HCK: variants seen among roughly 807,000 people sequenced by gnomAD.
The protein encoded by HCK is tyrosine-protein kinase HCK.
A neutral mutation model predicts 70.4 loss-of-function variants in HCK; 40 were observed. The ratio of observed to expected loss-of-function variants is 0.57; its 90% CI spans 0.44 to 0.74. The LOEUF (loss-of-function observed/expected upper bound fraction) is 0.74. Ranked by LOEUF, HCK falls within the 30% of genes least tolerant of loss-of-function variation. The pLI, the probability that HCK is intolerant of heterozygous loss-of-function variation, is 0.00. For missense variants in HCK, 568 were observed against 697.2 expected, an observed-to-expected ratio of 0.81 and a Z score of 2.09; for synonymous variants, 245 against 263.2, an observed-to-expected ratio of 0.93 and a Z score of 0.67.
At position 32,101,517 on chromosome 20, in the gene HCK, T is replaced by G; in HGVS notation, c.1579T>G (p.Ter527GlyextTer1). 1 of 1,612,054 alleles carries G rather than the reference T, an allele frequency of 6.2e-7. No homozygotes were observed. The highest frequency in any genetic ancestry group is 8.5e-7 in the Non-Finnish European group (1 of 1,179,034). The change falls in exon 13 of 13, where the codon TGA becomes GGA. Residue 527 changes from the stop codon to glycine (G), a stop_lost. Coordinates refer to ENST00000375852, the MANE Select transcript of HCK (RefSeq NM_002110.5). Reference sequence around the variant, plus strand: ...AGAGAGCCAGTACCAACAGCAGCCATGATAGGGAGGACCAGGGCAGGGCCA... The same window carrying G: ...AGAGAGCCAGTACCAACAGCAGCCAGGATAGGGAGGACCAGGGCAGGGCCA...
chr20:32,083,832 C>T (rs886229508), intron 6 of HCK, 62 bp from the exon 7 acceptor site: 44 of 1,585,338 alleles, frequency 2.8e-5, no homozygotes, highest in Middle Eastern at 1.9e-4. Flanking sequence ...TGTCAGAGTG[C>T]TAATGCAAGG....
At chr20:32,081,340 G>T (rs571356359) in intron 6 of HCK, among the ~76,000 whole-genome samples, 2 of 152,294 alleles carry the variant, frequency 1.3e-5, no homozygotes, top group African/African-American at 2.4e-5. Context: ...GCAAGAACAG[G>T]CCTGGAAAAC....
chr20:32,100,053 C>T (rs1247530574), intron 12 of HCK, among the ~76,000 whole-genome samples: 1 of 152,076 alleles, frequency 6.6e-6, no homozygotes, highest in African/African-American at 2.4e-5. Flanking sequence ...GCACATGCCA[C>T]CATGTCTGGC....
intron 1 of HCK, among the ~76,000 whole-genome samples, chr20:32,071,008 A>G (rs2045529794): frequency 6.6e-6 from 1 of 151,460 alleles, no homozygotes; most frequent in African/African-American, 2.4e-5. Flanking sequence ...GGAAGGAGTT[A>G]TAAGCAATTT....
chr20:32,094,785 A>AAGAAAGAG (rs1569010239), intron 11 of HCK, among the ~76,000 whole-genome samples: 1 of 74,738 alleles, frequency 1.3e-5, no homozygotes, highest in East Asian at 3.1e-4. Context: ...AAGAGAGAGA[A>AAGAAAGAG]AGAGAAAGAA....
chr20:32,059,955 TA>T (rs1023750335), intron 1 of HCK, among the ~76,000 whole-genome samples: 3 of 152,112 alleles, frequency 2.0e-5, no homozygotes, highest in Non-Finnish European at 2.9e-5. Context: ...AAAAAAAATG[TA>T]AAAGGATCAG....
chr20:32,073,368 A>G lies in HCK; in HGVS notation c.226+7A>G, dbSNP rs769441202. ...ACACCAGGAATCAGGGAGGGTAAGTATCTACGAGCAGATGCAGTGGAGTCA... is the reference window on the plus strand; with the variant it reads ...ACACCAGGAATCAGGGAGGGTAAGTGTCTACGAGCAGATGCAGTGGAGTCA... On this transcript the variant is annotated splice_region_variant and intron_variant, in intron 3 of 12. Coordinates refer to ENST00000375852, the MANE Select transcript of HCK (RefSeq NM_002110.5). 3.0e-5 allele frequency: 48 copies of G among 1,610,570 alleles called. No homozygotes were observed. The highest frequency in any genetic ancestry group is 4.0e-5 in the Non-Finnish European group (47 of 1,178,556).
At chr20:32,058,797 A>G (rs1481695755) in intron 1 of HCK, among the ~76,000 whole-genome samples, 1 of 152,144 alleles carries the variant, frequency 6.6e-6, no homozygotes, top group Non-Finnish European at 1.5e-5. Context: ...GGTAGTCATT[A>G]AAGGTGTCTT....
At chr20:32,073,393 A>C (rs1194790377) in intron 3 of HCK, 32 bp downstream of exon 3, 2 of 1,588,390 alleles carry the variant, frequency 1.3e-6, no homozygotes, top group Non-Finnish European at 1.7e-6. Context: ...CAGTGGAGTC[A>C]TGTGTCCTGC....
chr20:32,096,171 C>A (rs543948898), intron 11 of HCK, among the ~76,000 whole-genome samples: 1 of 151,654 alleles, frequency 6.6e-6, no homozygotes, highest in Non-Finnish European at 1.5e-5. Context: ...ATTACAGATG[C>A]GAGCCACTGT....
intron 1 of HCK, among the ~76,000 whole-genome samples, chr20:32,061,684 G>A (rs948141086): frequency 5.9e-5 from 9 of 152,142 alleles, no homozygotes; most frequent in African/African-American, 1.9e-4. Flanking sequence ...AGCCTTTCTG[G>A]GTGAAGAATA....
In HCK at chr20:32,052,436, C is replaced by T; in HGVS notation, c.12C>T (p.Arg4=). The change falls in exon 1 of 13, where the codon CGC becomes CGT. Residue 4 remains arginine, a synonymous_variant. Coordinates refer to ENST00000375852, the MANE Select transcript of HCK (RefSeq NM_002110.5). Reference sequence around the variant, plus strand: ...CAGGGGCTGCCGAGCTGGGGGGGCGCTCAAGCTGCGAGGATCCGGGCTGCC... The same window carrying T: ...CAGGGGCTGCCGAGCTGGGGGGGCGTTCAAGCTGCGAGGATCCGGGCTGCC... 3.1e-6 allele frequency: 4 copies of T among 1,282,552 alleles called. No individual in the cohort carries two copies. The highest frequency in any genetic ancestry group is 3.0e-6 in the Non-Finnish European group (3 of 1,005,598). 79.4% of individuals were successfully genotyped at this position (1,282,552 alleles called of 1,614,324 possible).
At chr20:32,091,867 A>T (rs73248948) in intron 10 of HCK, among the ~76,000 whole-genome samples, 3,373 of 151,844 alleles carry the variant, frequency 0.022, 129 homozygotes, top group African/African-American at 0.077. Flanking sequence ...CACCTATAGT[A>T]CCAGCTGCTT....
chr20:32,071,608 TC>T, intron 1 of HCK, 53 bp from the exon 2 acceptor site: 2 of 1,596,368 alleles, frequency 1.3e-6, no homozygotes, highest in East Asian at 4.5e-5. Flanking sequence ...TCAGAAGACT[TC>T]CCCGCATGAG....
chr20:32,101,599 A>T lies in HCK; in HGVS notation c.*80A>T, dbSNP rs1056910970. ...TCCAGCACCATCCGCCAGGGCCCAC[A>T]CCCCCTTCCTACTCCCAGACACCCA... On this transcript the variant is annotated 3_prime_UTR_variant, in exon 13 of 13. Coordinates refer to ENST00000375852, the MANE Select transcript of HCK (RefSeq NM_002110.5). 8.4e-7 allele frequency: 1 copy of T among 1,190,138 alleles called. No homozygotes were observed. The highest frequency in any genetic ancestry group is 1.5e-5 in the African/African-American group (1 of 66,364). 73.7% of individuals were successfully genotyped at this position (1,190,138 alleles called of 1,614,324 possible).
Position 32,084,468 on chromosome 20 carries a change from G to T in HCK, c.760G>T (p.Ala254Ser). 6.2e-7 allele frequency: 1 copy of T among 1,614,152 alleles called. No individual in the cohort carries two copies. The highest frequency in any genetic ancestry group is 8.5e-7 in the Non-Finnish European group (1 of 1,180,010). The change falls in exon 8 of 13, where the codon GCC (alanine) becomes TCC (serine). Residue 254 changes from alanine (A) to serine (S), a missense_variant. Around this residue, in one of 4 missense-constraint regions of HCK, gnomAD observed 13 missense variants for 38.8 expected, o/e 0.34. Transcript: ENST00000375852. ...GCCCCAGAAGCCTTGGGAGAAAGAT[G>T]CCTGGGAGATCCCTCGGGAATCCCT...
intron 5 of HCK, among the ~76,000 whole-genome samples, chr20:32,077,627 A>C (rs1350821693): frequency 1.3e-5 from 2 of 151,394 alleles, no homozygotes; most frequent in East Asian, 4.0e-4. Flanking sequence ...CCCGGGTTCA[A>C]GCGATTCTCC....
chr20:32,088,507 T>C (rs2045820177), intron 9 of HCK, 61 bp from the exon 10 acceptor site: 2 of 1,241,310 alleles, frequency 1.6e-6, no homozygotes, highest in Admixed American at 3.9e-5. Flanking sequence ...GCAAAAGTAA[T>C]TGTGGTTTTT....
intron 6 of HCK, among the ~76,000 whole-genome samples, chr20:32,081,327 A>T (rs1391963640): frequency 1.3e-5 from 2 of 152,184 alleles, no homozygotes; most frequent in Non-Finnish European, 2.9e-5. Flanking sequence ...GGGTGCATGG[A>T]TGGCAAGAAC....
Sources: allele counts gnomAD v4.1 joint callset (sites outside exome capture counted in the v4.1 genomes callset), GRCh38; gene constraint gnomAD v4.1.1; regional missense constraint gnomAD v4.1.1; transcripts MANE v1.5; gene names NCBI Gene and HGNC (gene_info 2026-07-23, HGNC 2026-07-21).